SIGLECL1: variants seen among roughly 807,000 people sequenced by gnomAD.
SIGLECL1 encodes SIGLEC family-like protein 1.
SIGLECL1 carries 16 observed loss-of-function variants against 19.1 expected under a neutral mutation model. The observed-to-expected ratio is 0.84, with a 90% CI of 0.57 to 1.27. The LOEUF is 1.27. Among genes scored for constraint, SIGLECL1 ranks in the 50% most tolerant of loss-of-function variants. The pLI is 0.00. For missense variants in SIGLECL1, 210 were observed against 239.4 expected, an observed-to-expected ratio of 0.88 and a Z score of 0.81; for synonymous variants, 89 against 90.4, an observed-to-expected ratio of 0.98 and a Z score of 0.09.
upstream of SIGLECL1, among the ~76,000 whole-genome samples, chr19:51,248,060 A>G (rs368671729): frequency 6.6e-6 from 1 of 152,174 alleles, no homozygotes; most frequent in Admixed American, 6.5e-5. Flanking sequence ...TTTAATGAAA[A>G]GCAGCCCCAA....
intron 1 of SIGLECL1, among the ~76,000 whole-genome samples, chr19:51,262,862 C>T (rs1599797648): frequency 6.6e-6 from 1 of 150,436 alleles, no homozygotes; most frequent in East Asian, 2.0e-4. Context: ...ATACCATACT[C>T]TATGAATTAC....
At chr19:51,261,890 T>C (rs775767327) in intron 1 of SIGLECL1, among the ~76,000 whole-genome samples, 1 of 152,158 alleles carries the variant, frequency 6.6e-6, no homozygotes, top group African/African-American at 2.4e-5. Context: ...GAAGTATTAA[T>C]ACAGATAGTA....
At chr19:51,261,639 T>G (rs934116501) in intron 1 of SIGLECL1, among the ~76,000 whole-genome samples, 1 of 152,206 alleles carries the variant, frequency 6.6e-6, no homozygotes, top group Non-Finnish European at 1.5e-5. Flanking sequence ...GTGTCTTTTG[T>G]AAACAGCATG....
intron 5 of SIGLECL1, among the ~76,000 whole-genome samples, chr19:51,267,980 G>T (rs1983801430): frequency 6.6e-6 from 1 of 152,074 alleles, no homozygotes; most frequent in Admixed American, 6.6e-5. Flanking sequence ...TCTTCAGCAG[G>T]GCTTGGAAGA....
At chr19:51,246,429 C>T (rs1324131508), upstream of SIGLECL1, 1 of 152,122 alleles carries the variant, frequency 6.6e-6, no homozygotes, top group Non-Finnish European at 1.5e-5. Flanking sequence ...ACTTATCCTG[C>T]CTCACAACCT....
upstream of SIGLECL1, among the ~76,000 whole-genome samples, chr19:51,248,856 T>C (rs1445194131): frequency 6.6e-6 from 1 of 152,208 alleles, no homozygotes; most frequent in Non-Finnish European, 1.5e-5. Flanking sequence ...GCAGTTTCGA[T>C]TGGTTAAGCC....
intron 1 of SIGLECL1, chr19:51,257,563 G>A (rs927993336): frequency 1.3e-5 from 2 of 152,234 alleles, no homozygotes; most frequent in Non-Finnish European, 2.9e-5. Flanking sequence ...TGCCTGAAGA[G>A]AAGTCTGGCC....
At chr19:51,250,552 C>T (rs1982421701), upstream of SIGLECL1, among the ~76,000 whole-genome samples, 1 of 152,212 alleles carries the variant, frequency 6.6e-6, no homozygotes, top group African/African-American at 2.4e-5. Flanking sequence ...GACGGAGTTG[C>T]TCTGGCTCAA....
chr19:51,267,563 C>T (rs772790264), intron 5 of SIGLECL1, 34 bp downstream of exon 5: 26 of 1,608,556 alleles, frequency 1.6e-5, no homozygotes, highest in Middle Eastern at 1.7e-4. Context: ...TCTAGTCTAT[C>T]GGAATACTGA....
intron 1 of SIGLECL1, among the ~76,000 whole-genome samples, chr19:51,254,487 C>T (rs1357775010): frequency 6.6e-6 from 1 of 152,150 alleles, no homozygotes; most frequent in East Asian, 1.9e-4. Flanking sequence ...TCTGGTACAA[C>T]ATGAATTAGC....
chr19:51,260,646 A>G (rs2123420756), intron 1 of SIGLECL1, among the ~76,000 whole-genome samples: 1 of 152,346 alleles, frequency 6.6e-6, no homozygotes, highest in South Asian at 2.1e-4. Flanking sequence ...GCTTTGATAA[A>G]TAACTTTGTT....
chr19:51,257,184 A>G (rs1599792211), intron 1 of SIGLECL1, among the ~76,000 whole-genome samples: 1 of 152,102 alleles, frequency 6.6e-6, no homozygotes, highest in Non-Finnish European at 1.5e-5. Flanking sequence ...AGGTGGGAGG[A>G]CGGCTTGAGC....
At chr19:51,252,028 T>C (rs1982519649) in intron 1 of SIGLECL1, among the ~76,000 whole-genome samples, 1 of 152,184 alleles carries the variant, frequency 6.6e-6, no homozygotes, top group Non-Finnish European at 1.5e-5. Flanking sequence ...CTGGGCGCAG[T>C]GGCTCACGTC....
chr19:51,265,113 G>A (rs918577315), intron 2 of SIGLECL1, among the ~76,000 whole-genome samples: 1 of 152,156 alleles, frequency 6.6e-6, no homozygotes, highest in African/African-American at 2.4e-5. Context: ...TGCAGGGTAG[G>A]TGAGGGATCA....
At chr19:51,255,183 C>A (rs543346575) in intron 1 of SIGLECL1, among the ~76,000 whole-genome samples, 9 of 151,734 alleles carry the variant, frequency 5.9e-5, no homozygotes, top group Admixed American at 3.3e-4. Flanking sequence ...TCGCTTGCAC[C>A]CAGGAGATGG....
intron 4 of SIGLECL1, among the ~76,000 whole-genome samples, 186 bp from the exon 5 acceptor site, chr19:51,267,187 G>A (rs1453785568): frequency 6.6e-6 from 1 of 152,180 alleles, no homozygotes; most frequent in African/African-American, 2.4e-5. Flanking sequence ...AGCCTAATAA[G>A]CAGGGTATCC....
At chr19:51,246,965 T>C (rs1248354867), upstream of SIGLECL1, among the ~76,000 whole-genome samples, 1 of 152,210 alleles carries the variant, frequency 6.6e-6, no homozygotes, top group Non-Finnish European at 1.5e-5. Flanking sequence ...TACGTCCAGA[T>C]GAATGCACTC....
At chr19:51,266,900 T>A (rs796870846) in intron 4 of SIGLECL1, among the ~76,000 whole-genome samples, 16 of 151,932 alleles carry the variant, frequency 1.1e-4, no homozygotes, top group African/African-American at 3.6e-4. Flanking sequence ...GGACACAGAT[T>A]AGAGAGAGTG....
Position 51,264,104 on chromosome 19 carries a change from G to A in SIGLECL1, c.22+10G>A, listed in dbSNP as rs761207263. On this transcript the variant is annotated intron_variant, in intron 2 of 5. Coordinates refer to ENST00000601727, the MANE Select transcript of SIGLECL1 (RefSeq NM_001385465.1). Reference sequence around the variant, plus strand: ...CCACTGCTACAGCTGGGTAAGTAAGGTGAGAAGCAGCACTGGAGGTGTGTT... The same window carrying A: ...CCACTGCTACAGCTGGGTAAGTAAGATGAGAAGCAGCACTGGAGGTGTGTT... 1.2e-6 allele frequency: 2 copies of A among 1,614,000 alleles called. No homozygotes were observed. Among genetic ancestry groups the A allele is most frequent in the Non-Finnish European group, 1.7e-6 (2 of 1,179,944 alleles).
Sources: allele counts gnomAD v4.1 joint callset (sites outside exome capture counted in the v4.1 genomes callset), GRCh38; gene constraint gnomAD v4.1.1; transcripts MANE v1.5; gene names NCBI Gene and HGNC (gene_info 2026-07-23, HGNC 2026-07-21).